MKKS: variants seen among roughly 807,000 people sequenced by gnomAD.
The protein encoded by MKKS is MKKS centrosomal shuttling protein, also known as molecular chaperone MKKS.
MKKS carries 29 observed loss-of-function variants against 33.2 expected under a neutral mutation model. That is an observed-to-expected ratio of 0.87 (90% CI 0.65 to 1.19). The LOEUF is 1.19. Ranked by LOEUF, MKKS falls within the 50% of genes most tolerant of loss-of-function variation. MKKS has a pLI of 0.00. For synonymous variants in MKKS, 260 were observed against 244.0 expected (o/e 1.07, Z -0.61); for missense variants, 661 against 662.3 (o/e 1.00, Z 0.02).
intron 2 of MKKS, among the ~76,000 whole-genome samples, chr20:10,416,083 C>T (rs1395355797): frequency 6.6e-6 from 1 of 152,182 alleles, no homozygotes; most frequent in Non-Finnish European, 1.5e-5. Context: ...CAAGGTGCTC[C>T]ATAATTCCAA....
chr20:10,407,731 G>C lies in MKKS; in HGVS notation c.1162-5C>G, dbSNP rs1167196726. 6.2e-7 allele frequency: 1 copy of C among 1,608,440 alleles called. No homozygotes were observed. Among genetic ancestry groups the C allele is most frequent in the Non-Finnish European group, 8.5e-7 (1 of 1,175,430 alleles). On this transcript the variant is annotated splice_region_variant and splice_polypyrimidine_tract_variant and intron_variant, in intron 4 of 5. Coordinates refer to ENST00000347364, the MANE Select transcript of MKKS (RefSeq NM_170784.3). ...CAGTGCCGTCTGACACGTGAGCTAAGAAAAAACCCAAATCATCAGAATCAG... is the reference window on the plus strand; with the variant it reads ...CAGTGCCGTCTGACACGTGAGCTAACAAAAAACCCAAATCATCAGAATCAG...
intron 1 of MKKS, among the ~76,000 whole-genome samples, chr20:10,429,253 T>C (rs765246056): frequency 1.4e-4 from 22 of 152,214 alleles, no homozygotes; most frequent in Non-Finnish European, 2.9e-4. Context: ...CTGTAGCCTT[T>C]TGATGTGTTC....
chr20:10,409,275 C>T (rs767042817), intron 3 of MKKS, among the ~76,000 whole-genome samples: 5 of 152,172 alleles, frequency 3.3e-5, no homozygotes, highest in Non-Finnish European at 5.9e-5. Flanking sequence ...TGAATTCCTT[C>T]GGGACGCTAC....
intron 1 of MKKS, among the ~76,000 whole-genome samples, chr20:10,431,363 C>T (rs1423388458): frequency 1.3e-5 from 2 of 152,202 alleles, no homozygotes; most frequent in Non-Finnish European, 2.9e-5. Flanking sequence ...TTAATTCTAT[C>T]CAAATGCTCA....
At chr20:10,418,506 C>T (rs557552194) in intron 2 of MKKS, among the ~76,000 whole-genome samples, 1 of 151,970 alleles carries the variant, frequency 6.6e-6, no homozygotes, top group Non-Finnish European at 1.5e-5. Context: ...ACTCTAAATC[C>T]GGCTCTAACT....
At chr20:10,407,490 T>C (rs936859382) in intron 5 of MKKS, 126 bp downstream of exon 5, 1 of 780,214 alleles carries the variant, frequency 1.3e-6, no homozygotes, top group African/African-American at 1.7e-5. Flanking sequence ...AACCTATACA[T>C]GCACCCCTGA....
chr20:10,433,950 C>A (rs187602473), intron 1 of MKKS, among the ~76,000 whole-genome samples, 158 bp downstream of exon 1: 1 of 152,220 alleles, frequency 6.6e-6, no homozygotes, highest in Non-Finnish European at 1.5e-5. Context: ...TCGCCTCCTA[C>A]AGAGAGCCAG....
chr20:10,424,537 T>C (rs1184373277), intron 1 of MKKS, among the ~76,000 whole-genome samples: 2 of 152,172 alleles, frequency 1.3e-5, no homozygotes, highest in African/African-American at 4.8e-5. Flanking sequence ...GCAAGACACA[T>C]TAGACCTTAC....
chr20:10,406,977 G>T (rs978078697), intron 5 of MKKS, among the ~76,000 whole-genome samples: 2 of 152,038 alleles, frequency 1.3e-5, no homozygotes, highest in African/African-American at 4.8e-5. Flanking sequence ...AATAAAGTAG[G>T]CCAGTACTTA....
intron 1 of MKKS, among the ~76,000 whole-genome samples, chr20:10,421,913 G>A (rs2064983171): frequency 6.6e-6 from 1 of 152,044 alleles, no homozygotes; most frequent in African/African-American, 2.4e-5. Flanking sequence ...AATAAGGACT[G>A]CTCCACCATC....
chr20:10,420,242 G>C (rs1470450056), intron 2 of MKKS, among the ~76,000 whole-genome samples: 3 of 152,092 alleles, frequency 2.0e-5, no homozygotes, highest in African/African-American at 7.2e-5. Flanking sequence ...ATATGTAATG[G>C]TAAGGAGTCA....
chr20:10,419,632 C>T (rs13433221), intron 2 of MKKS, among the ~76,000 whole-genome samples: 21,937 of 152,114 alleles, frequency 0.14, 1,783 homozygotes, highest in East Asian at 0.24. Context: ...CACAATACTC[C>T]TGTGCTTTGG....
chr20:10,415,321 G>A (rs1212503374), intron 2 of MKKS, among the ~76,000 whole-genome samples: 1 of 152,144 alleles, frequency 6.6e-6, no homozygotes, highest in African/African-American at 2.4e-5. Context: ...CCTAAAAGTA[G>A]GCTACAGCAT....
rs2064916584 is a variant in MKKS, at chr20:10,413,841, C to T, written c.-327G>A. The T allele has an allele frequency of 2.2e-6, 1 of 454,102 alleles. No homozygotes were observed. The highest frequency in any genetic ancestry group is 3.9e-6 in the Non-Finnish European group (1 of 257,836). The allele number at this position is 454,102 out of a possible 1,614,324, so 28.1% of individuals were successfully genotyped here. On this transcript the variant is annotated 5_prime_UTR_variant, in exon 3 of 6. Transcript: ENST00000347364. ...AAGATGGACACCTATGAAAGATATC[C>T]CAGCTACAAGAAGCCAGTTCTTTCT...
intron 1 of MKKS, chr20:10,431,870 T>C (rs541967798): frequency 2.2e-4 from 34 of 152,400 alleles, no homozygotes; most frequent in African/African-American, 7.9e-4. Flanking sequence ...TTAGTTCAGA[T>C]GTCACCTACT....
chr20:10,407,543 AT>A, intron 5 of MKKS, 72 bp downstream of exon 5: 1 of 1,248,954 alleles, frequency 8.0e-7, no homozygotes, highest in Non-Finnish European at 1.2e-6. Context: ...GGATATTATG[AT>A]TTTGGCTTAT....
At chr20:10,408,525 T>C in intron 4 of MKKS, 103 bp downstream of exon 4, 1 of 1,189,114 alleles carries the variant, frequency 8.4e-7, no homozygotes, top group Non-Finnish European at 1.2e-6. Context: ...ATTTTTGCTT[T>C]CTATACTACC....
intron 5 of MKKS, among the ~76,000 whole-genome samples, chr20:10,406,057 T>G (rs1220649329): frequency 2.0e-5 from 3 of 152,204 alleles, no homozygotes; most frequent in Non-Finnish European, 4.4e-5. Context: ...AGGAAGTTCC[T>G]GAAGACTGAT....
chr20:10,413,975 G>A, intron 2 of MKKS, 44 bp from the exon 3 acceptor site: 1 of 401,570 alleles, frequency 2.5e-6, no homozygotes, highest in Non-Finnish European at 4.4e-6. Flanking sequence ...TACTTCCCAA[G>A]CAGTTTGTAG....
Sources: allele counts gnomAD v4.1 joint callset (sites outside exome capture counted in the v4.1 genomes callset), GRCh38; gene constraint gnomAD v4.1.1; transcripts MANE v1.5; gene names NCBI Gene and HGNC (gene_info 2026-07-23, HGNC 2026-07-21).